The following UNC79 variants were observed in gnomAD, a reference collection of about 807,000 sequenced individuals.
UNC79 encodes unc-79 subunit of NALCN channel complex.
In UNC79, 37 loss-of-function variants were observed where a neutral mutation model predicts 283.1. The ratio of observed to expected loss-of-function variants is 0.13; its 90% CI spans 0.10 to 0.17. The LOEUF (loss-of-function observed/expected upper bound fraction) is 0.17, where lower values mean the gene tolerates loss of function less well. Among genes scored for constraint, UNC79 ranks in the 10% least tolerant of loss-of-function variants. The probability of loss-of-function intolerance (pLI) is 1.00; values close to 1 mark genes in which losing one functional copy is unlikely to be tolerated. For missense variants in UNC79, 2,272 were observed against 3,211.1 expected (o/e 0.71, Z 7.07); for synonymous variants, 1,107 against 1,200.2 (o/e 0.92, Z 1.61).
chr14:93,653,891 TG>T, intron 36 of UNC79, 37 bp downstream of exon 39: 1 of 1,614,070 alleles, frequency 6.2e-7, no homozygotes, highest in Non-Finnish European at 8.5e-7. Context: ...ACCACAAATT[TG>T]CCTCATCCCA....
At chr14:93,505,549 T>G (rs2059490877) in intron 7 of UNC79, among the ~76,000 whole-genome samples, 1 of 152,102 alleles carries the variant, frequency 6.6e-6, no homozygotes, top group Non-Finnish European at 1.5e-5. Context: ...TATTCTTATA[T>G]TTTATGTGTG....
Position 93,430,860 on chromosome 14 carries a change from A to C in UNC79, c.-170A>C. ...TAACCTTCCGGGACCGAATTCTGCA[A>C]TTTGATGTGCGTTTTGTCCGAATGG... On this transcript the variant is annotated 5_prime_UTR_variant, in exon 1 of 49. Transcript: ENST00000555664. This position sits in a 1 kb window ranked among gnomAD's most constrained non-coding sequence, Gnocchi z 4.6. The C allele has an allele frequency of 4.2e-6, 2 of 477,262 alleles. No individual in the cohort carries two copies. The highest frequency in any genetic ancestry group is 7.4e-6 in the Non-Finnish European group (2 of 268,812). The allele number at this position is 477,262 out of a possible 1,614,324, so 29.6% of individuals were successfully genotyped here. A position where few individuals can be genotyped will look rare whatever the true frequency, so the allele number is the denominator to read the frequency against.
At chr14:93,339,981 C>T (rs78404538) in intron 1 of UNC79, among the ~76,000 whole-genome samples, 11,201 of 152,214 alleles carry the variant, frequency 0.074, 874 homozygotes, top group African/African-American at 0.19. Context: ...ACTCTATTAG[C>T]TCATGGCTTT....
At position 93,693,960 on chromosome 14, in the gene UNC79, TCAAA is replaced by T. The variant is rs200413084; in HGVS notation, c.7471-372_7471-369del. Among the ~76,000 whole-genome samples, 1,164 of 152,236 alleles carry T rather than the reference TCAAA, an allele frequency of 7.6e-3. 11 individuals are homozygous for T. Among genetic ancestry groups the T allele is most frequent in the African/African-American group, 0.024 (996 of 41,524 alleles). On this transcript the variant is annotated intron_variant, in intron 46 of 48. Transcript: ENST00000555664. ...TCTCCCCTCCCTGGGTACCCTCCTC[TCAAA>T]CAGACTAGCGTGATACAGAACTCTT...
At position 93,590,136 on chromosome 14, in the gene UNC79, T is replaced by C. The variant is rs2064550435; in HGVS notation, c.3032+3228T>C. 1.3e-5 allele frequency among the ~76,000 whole-genome samples: 2 copies of C among 152,150 alleles called. 1 individual carries two copies. The highest frequency in any genetic ancestry group is 4.1e-4 in the South Asian group (2 of 4,824). ...CTTCCTCTTATTAGGGCACTAGTCA[T>C]TCATTATATTTAGGACCCGCTCTAT... On this transcript the variant is annotated intron_variant, in intron 22 of 48. Transcript: ENST00000555664.
intron 7 of UNC79, among the ~76,000 whole-genome samples, chr14:93,510,586 A>G (rs1191766242): frequency 1.3e-5 from 2 of 152,214 alleles, no homozygotes. Flanking sequence ...TCAAAGTTCT[A>G]CAGATCCCTA....
At chr14:93,636,762 A>T (rs2068542743) in intron 31 of UNC79, among the ~76,000 whole-genome samples, 1 of 151,944 alleles carries the variant, frequency 6.6e-6, no homozygotes, top group African/African-American at 2.4e-5. Flanking sequence ...CCTGTTCCCC[A>T]TCCCTCAGTC....
intron 1 of UNC79, among the ~76,000 whole-genome samples, chr14:93,459,302 G>A (rs2056879910): frequency 1.3e-5 from 2 of 152,190 alleles, no homozygotes; most frequent in South Asian, 4.1e-4. Context: ...AGCCTTGAAG[G>A]GTGAAAGGGG....
chr14:93,508,874 T>C (rs910470623), intron 7 of UNC79, among the ~76,000 whole-genome samples: 3 of 152,238 alleles, frequency 2.0e-5, no homozygotes, highest in African/African-American at 7.2e-5. Flanking sequence ...TTTGTTTTAT[T>C]GTCCAGTACT....
rs1448010803 is a variant in UNC79, at chr14:93,474,453, C to G, written c.448+60C>G. On this transcript the variant is annotated intron_variant, in intron 3 of 48. Coordinates refer to ENST00000555664, the Ensembl canonical transcript of UNC79. The surrounding 1 kb of genome is among the most constrained non-coding windows in gnomAD (Gnocchi z 4.1). ...TGGATGCTTATGAATGTATATGATG[C>G]TGAGCAAGGGGCTTGGAGATGGTCA... 4 of 1,488,296 alleles carry G rather than the reference C, an allele frequency of 2.7e-6. No individual in the cohort carries two copies. In the East Asian group the frequency reaches 9.9e-5, roughly 37 times the overall value. 92.2% of individuals were successfully genotyped at this position (1,488,296 alleles called of 1,614,324 possible). A position where few individuals can be genotyped will look rare whatever the true frequency, so the allele number is the denominator to read the frequency against.
chr14:93,475,880 G>A (rs901547917), intron 3 of UNC79, among the ~76,000 whole-genome samples: 1 of 152,052 alleles, frequency 6.6e-6, no homozygotes, highest in African/African-American at 2.4e-5. Flanking sequence ...TTGTACCTGC[G>A]GCTGTTTTGT....
chr14:93,362,218 G>T (rs554042895), intron 1 of UNC79, among the ~76,000 whole-genome samples: 3 of 152,230 alleles, frequency 2.0e-5, no homozygotes, highest in East Asian at 1.9e-4. Flanking sequence ...TTAGTGAGGG[G>T]TGCTTCTTTG....
chr14:93,593,111 C>T (rs1241824441), intron 22 of UNC79, among the ~76,000 whole-genome samples: 1 of 152,184 alleles, frequency 6.6e-6, no homozygotes, highest in African/African-American at 2.4e-5. Flanking sequence ...TATTCCCATG[C>T]TTGGGTCATA....
chr14:93,595,428 G>A (rs2065005111), intron 23 of UNC79, among the ~76,000 whole-genome samples: 1 of 152,032 alleles, frequency 6.6e-6, no homozygotes, highest in Non-Finnish European at 1.5e-5. Flanking sequence ...ATTTTAATGG[G>A]GTTTTTTTGA....
At chr14:93,538,804 C>CAAAAAAA (rs534706329) in intron 12 of UNC79, among the ~76,000 whole-genome samples, 1 of 111,400 alleles carries the variant, frequency 9.0e-6, no homozygotes, top group East Asian at 2.7e-4. Flanking sequence ...ATCACATGAC[C>CAAAAAAA]AAAAAAAAAA....
At chr14:93,506,524 A>C (rs2059551045) in intron 7 of UNC79, among the ~76,000 whole-genome samples, 1 of 152,224 alleles carries the variant, frequency 6.6e-6, no homozygotes, top group Non-Finnish European at 1.5e-5. Flanking sequence ...AAAATTGACT[A>C]TCAAAGTCAA....
At chr14:93,345,812 C>CTTTCTGCT (rs2053814266) in intron 1 of UNC79, among the ~76,000 whole-genome samples, 1 of 151,886 alleles carries the variant, frequency 6.6e-6, no homozygotes, top group African/African-American at 2.4e-5. Context: ...AGGTCTTACC[C>CTTTCTGCT]ACTGCTAATC....
At chr14:93,491,579 G>A (rs1462002686) in intron 5 of UNC79, among the ~76,000 whole-genome samples, 1 of 152,104 alleles carries the variant, frequency 6.6e-6, no homozygotes, top group Non-Finnish European at 1.5e-5. Context: ...CTGAAACCAA[G>A]TGTCCTCATC....
intron 34 of UNC79, among the ~76,000 whole-genome samples, chr14:93,643,987 C>T (rs866428317): frequency 3.3e-5 from 5 of 152,204 alleles, no homozygotes; most frequent in Admixed American, 6.6e-5. Flanking sequence ...GTTGTAACCA[C>T]GCACACAACT....
Sources: allele counts gnomAD v4.1 joint callset (sites outside exome capture counted in the v4.1 genomes callset), GRCh38; gene constraint gnomAD v4.1.1; non-coding constraint Gnocchi (gnomAD v3.1); transcripts MANE v1.5; gene names NCBI Gene and HGNC (gene_info 2026-07-23, HGNC 2026-07-21).